The following ANO1 variants were observed in gnomAD, a reference collection of about 807,000 sequenced individuals.
The protein encoded by ANO1 is anoctamin 1.
A neutral mutation model predicts 124.0 loss-of-function variants in ANO1; 59 were observed. That is an observed-to-expected ratio of 0.48 (90% confidence interval 0.39 to 0.59). The LOEUF (loss-of-function observed/expected upper bound fraction) is 0.59. ANO1 is among the 20% of genes least tolerant of loss of function. The pLI is 0.00. For missense variants in ANO1, 1,059 were observed against 1,328.0 expected (o/e 0.80, Z 3.15); for synonymous variants, 529 against 532.0 (o/e 0.99, Z 0.08).
At chr11:70,076,048 C>T (rs1051284363), upstream of ANO1, among the ~76,000 whole-genome samples, 7 of 152,210 alleles carry the variant, frequency 4.6e-5, no homozygotes, top group Admixed American at 2.6e-4. Context: ...ACAGAGGCCA[C>T]GCTGCATTTC....
At chr11:70,120,629 C>A (rs1565220336) in intron 8 of ANO1, among the ~76,000 whole-genome samples, 1 of 152,166 alleles carries the variant, frequency 6.6e-6, no homozygotes, top group African/African-American at 2.4e-5. Flanking sequence ...CTGTTGGAGG[C>A]ATGGAGGGTG....
At chr11:70,044,461 T>C (rs910075555) in intron 1 of ANO1, among the ~76,000 whole-genome samples, 4 of 152,142 alleles carry the variant, frequency 2.6e-5, no homozygotes, top group Non-Finnish European at 5.9e-5. Context: ...ATGGGCCAGG[T>C]ATAGAACAAA....
the ANO1 span, among the ~76,000 whole-genome samples, chr11:69,977,787 C>T: frequency 6.6e-6 from 1 of 152,366 alleles, no homozygotes; most frequent in East Asian, 1.9e-4. Context: ...GCTCTGAAGA[C>T]AGGGGCAGAG....
At chr11:70,163,388 C>G in intron 19 of ANO1, 48 bp downstream of exon 19, 8 of 1,601,366 alleles carry the variant, frequency 5.0e-6, no homozygotes, top group Non-Finnish European at 6.8e-6. Flanking sequence ...GTCTTGCTTA[C>G]GATTTGTCTA....
intron 1 of ANO1, among the ~76,000 whole-genome samples, chr11:70,062,474 CA>C (rs1857610119): frequency 6.6e-6 from 1 of 152,198 alleles, no homozygotes; most frequent in African/African-American, 2.4e-5. Flanking sequence ...CTGCACCCCC[CA>C]GTAGACACAG....
chr11:70,105,646 G>A, intron 4 of ANO1, 88 bp from the exon 5 acceptor site: 1 of 1,233,534 alleles, frequency 8.1e-7, no homozygotes, highest in Non-Finnish European at 1.2e-6. Context: ...CGGCTAATGG[G>A]GACAGTGTGG....
intron 22 of ANO1, among the ~76,000 whole-genome samples, chr11:70,177,694 G>A (rs1194450890): frequency 1.4e-5 from 2 of 147,278 alleles, no homozygotes; most frequent in Non-Finnish European, 3.0e-5. Context: ...CCGCCCCCCG[G>A]GTTCAAGCGA....
In ANO1 at chr11:70,182,491, C is replaced by A. The variant is rs752151583; in HGVS notation, c.2404-11C>A. On this transcript the variant is annotated splice_polypyrimidine_tract_variant and intron_variant, in intron 23 of 25. Transcript: ENST00000355303. ...CTGGGGGTCCCCCTCACTGCCATGT[C>A]CCCTGCACAGGCCTTCGTGATCTCC... The A allele has an allele frequency of 4.5e-6, 7 of 1,555,446 alleles. No homozygotes were observed. In the African/African-American group the frequency reaches 5.5e-5, roughly 12 times the overall value.
intron 11 of ANO1, among the ~76,000 whole-genome samples, chr11:70,136,416 G>A (rs747675349): frequency 6.6e-6 from 1 of 152,212 alleles, no homozygotes; most frequent in South Asian, 2.1e-4. Context: ...CTGAGAGTGA[G>A]TGTCGTGGGA....
intron 22 of ANO1, 76 bp from the exon 23 acceptor site, chr11:70,179,928 G>T (rs1359841854): frequency 1.4e-6 from 2 of 1,397,762 alleles, no homozygotes; most frequent in South Asian, 1.2e-5. Context: ...GGTGGTACCC[G>T]CTCAGACTGC....
intron 1 of ANO1, among the ~76,000 whole-genome samples, chr11:70,040,495 A>G (rs1555004928): frequency 6.6e-6 from 1 of 152,190 alleles, no homozygotes; most frequent in Non-Finnish European, 1.5e-5. Flanking sequence ...TGGCCAACAT[A>G]GTGAAACCCG....
At position 70,177,594 on chromosome 11, in the gene ANO1, C is replaced by CTTTTTTTTTT. The variant is rs57647858; in HGVS notation, c.2351-2396_2351-2387dup. On this transcript the variant is annotated intron_variant, in intron 22 of 25. Coordinates refer to ENST00000355303, the MANE Select transcript of ANO1 (RefSeq NM_018043.7). ...TCGATTTTTCTTTTCTTTTTTTTTT[C>CTTTTTTTTTT]TTTTTTTTTTTTTTTTTTTTTTTGA... is the stretch of plus-strand genomic sequence containing the variant. Among the ~76,000 whole-genome samples the CTTTTTTTTTT allele has an allele frequency of 5.9e-3, 468 of 78,670 alleles. 3 individuals carry two copies. The highest frequency in any genetic ancestry group is 6.8e-3 in the Non-Finnish European group (306 of 44,952). 51.6% of individuals were successfully genotyped at this position (78,670 alleles called of 152,430 possible). A position where few individuals can be genotyped will look rare whatever the true frequency, so the allele number is the denominator to read the frequency against.
At chr11:70,103,258 G>T in intron 3 of ANO1, 94 bp downstream of exon 3, 1 of 1,001,452 alleles carries the variant, frequency 1.0e-6, no homozygotes, top group Non-Finnish European at 1.4e-6. Context: ...GAGGCCCTGA[G>T]TTTTATAAAA....
rs1398913610 is a variant in ANO1 at position 70,095,388 on chromosome 11, AAGAAAG to A, written c.441+7306_441+7311del. Among the ~76,000 whole-genome samples the A allele has an allele frequency of 5.4e-4, 20 of 37,204 alleles. 1 individual carries two copies. Among genetic ancestry groups the A allele is most frequent in the African/African-American group, 1.3e-3 (18 of 13,494 alleles). The allele number at this position is 37,204 out of a possible 152,430, so 24.4% of individuals were successfully genotyped here. A position where few individuals can be genotyped will look rare whatever the true frequency, so the allele number is the denominator to read the frequency against. On this transcript the variant is annotated intron_variant, in intron 2 of 25. Coordinates refer to ENST00000355303, the MANE Select transcript of ANO1 (RefSeq NM_018043.7). ...AAAGAAAGAAAGAAAGAAAGAAAGA[AAGAAAG>A]AAAGAAAGAAAGAAAGAAAGAAAGA...
At chr11:70,054,903 C>T (rs1857409754) in intron 1 of ANO1, among the ~76,000 whole-genome samples, 1 of 152,186 alleles carries the variant, frequency 6.6e-6, no homozygotes, top group Non-Finnish European at 1.5e-5. Flanking sequence ...TATTTTCAAA[C>T]ACAGATTTAG....
chr11:70,162,324 G>T (rs1053958903), intron 18 of ANO1, among the ~76,000 whole-genome samples: 14 of 152,084 alleles, frequency 9.2e-5, no homozygotes, highest in African/African-American at 3.4e-4. Context: ...GGGCAGAGGG[G>T]ACCCCAGGGA....
chr11:70,116,424 T>C (rs969040316), intron 7 of ANO1, 34 bp from the exon 8 acceptor site: 1 of 1,579,604 alleles, frequency 6.3e-7, no homozygotes, highest in South Asian at 1.2e-5. Context: ...CTCCATTGGA[T>C]GATAAGAACG....
intron 1 of ANO1, among the ~76,000 whole-genome samples, chr11:70,068,333 C>CTAGAATCTGTGGACACCGACAAAGGACAT (rs1857785427): frequency 1.3e-5 from 2 of 152,212 alleles, no homozygotes; most frequent in Admixed American, 1.3e-4. Flanking sequence ...TAGGCGGGTG[C>CTAGAATCTGTGGACACCGACAAAGGACAT]TAGAATCTGT....
intron 1 of ANO1, among the ~76,000 whole-genome samples, chr11:70,037,988 T>G (rs1409092648): frequency 1.3e-5 from 2 of 152,156 alleles, no homozygotes; most frequent in Non-Finnish European, 2.9e-5. Flanking sequence ...GCATGAGGAT[T>G]AAAACGTGAC....
Sources: allele counts gnomAD v4.1 joint callset (sites outside exome capture counted in the v4.1 genomes callset), GRCh38; gene constraint gnomAD v4.1.1; transcripts MANE v1.5; gene names NCBI Gene and HGNC (gene_info 2026-07-23, HGNC 2026-07-21).